The following UBR2 variants were observed in gnomAD, a reference collection of about 807,000 sequenced individuals.
UBR2 encodes the protein E3 ubiquitin-protein ligase UBR2.
Under a neutral mutation model 247.9 loss-of-function variants are expected in UBR2, and 92 were observed. The observed-to-expected ratio is 0.37, with a 90% CI of 0.31 to 0.44. UBR2 has a LOEUF of 0.44. UBR2 is among the 20% of genes least tolerant of loss of function. UBR2 has a pLI of 1.00. For synonymous variants in UBR2, 672 were observed against 693.5 expected, an observed-to-expected ratio of 0.97 and a Z score of 0.49; for missense variants, 1,613 against 2,112.6, an observed-to-expected ratio of 0.76 and a Z score of 4.64.
intron 30 of UBR2, among the ~76,000 whole-genome samples, 154 bp from the exon 31 acceptor site, chr6:42,662,030 G>T (rs182457399): frequency 6.6e-6 from 1 of 152,184 alleles, no homozygotes; most frequent in African/African-American, 2.4e-5. Flanking sequence ...ATAATCCAAG[G>T]TGTTGCATAA....
chr6:42,626,457 T>G (rs1406809772), intron 11 of UBR2, among the ~76,000 whole-genome samples: 1 of 152,194 alleles, frequency 6.6e-6, no homozygotes, highest in South Asian at 2.1e-4. Flanking sequence ...GTATGCTCTC[T>G]TTTTACGGCT....
rs115374414 is a variant in UBR2, at chr6:42,656,352, A to G, written c.2872+629A>G. On this transcript the variant is annotated intron_variant, in intron 26 of 46. Transcript: ENST00000372901. ...CATGGATTTTTATTCAGTGTTTTAT[A>G]GTCACTTATAATGGGTATTCCTTTT... is the stretch of plus-strand genomic sequence containing the variant. Among the ~76,000 whole-genome samples the G allele has an allele frequency of 4.5e-3, 687 of 152,276 alleles. 3 individuals carry two copies. The highest frequency in any genetic ancestry group is 0.014 in the African/African-American group (567 of 41,564).
intron 44 of UBR2, among the ~76,000 whole-genome samples, chr6:42,686,944 G>A (rs1215886230): frequency 3.3e-5 from 5 of 150,364 alleles, no homozygotes; most frequent in East Asian, 3.9e-4. Context: ...GGGCAGAGGC[G>A]CTCCCCACAT....
chr6:42,641,829 A>G lies in UBR2; in HGVS notation c.2031+137A>G, dbSNP rs921897837. Reference sequence around the variant, plus strand: ...TTTGAAAAGATTAATGATAAAACAAAAAGTTTCTTAAAACTTTTATTCATA... The same window carrying G: ...TTTGAAAAGATTAATGATAAAACAAGAAGTTTCTTAAAACTTTTATTCATA... On this transcript the variant is annotated intron_variant, in intron 17 of 46. Coordinates refer to ENST00000372901, the MANE Select transcript of UBR2 (RefSeq NM_001363705.2). 9 of 591,126 alleles carry G rather than the reference A, an allele frequency of 1.5e-5. No individual in the cohort carries two copies. The Admixed American group carries it at 3.4e-4, about 22-fold the overall frequency. The allele number at this position is 591,126 out of a possible 1,614,324, so 36.6% of individuals were successfully genotyped here.
intron 26 of UBR2, among the ~76,000 whole-genome samples, chr6:42,656,206 T>A (rs990554142): frequency 1.3e-5 from 2 of 152,242 alleles, no homozygotes; most frequent in Admixed American, 1.3e-4. Flanking sequence ...GACATAATAT[T>A]TCATGTCTCA....
chr6:42,676,648 C>G, intron 39 of UBR2, 135 bp from the exon 40 acceptor site: 1 of 712,730 alleles, frequency 1.4e-6, no homozygotes, highest in Admixed American at 2.5e-5. Context: ...TGAGGGATTA[C>G]AATTTTGCAT....
rs113736153 is a variant in UBR2, at chr6:42,672,367, G to T, written c.4087-1424G>T. 3.9e-5 allele frequency among the ~76,000 whole-genome samples: 6 copies of T among 152,026 alleles called. No individual in the cohort carries two copies. In the South Asian group the frequency reaches 1.2e-3, roughly 32 times the overall value. ...TTTTTAGCCTGGGCATTCACATTCA[G>T]TTGGTCAGCAGAGTCTGACAAATTC... On this transcript the variant is annotated intron_variant, in intron 36 of 46. Transcript: ENST00000372901.
chr6:42,652,211 G>A, intron 24 of UBR2, 140 bp downstream of exon 24: 1 of 879,238 alleles, frequency 1.1e-6, no homozygotes, highest in Non-Finnish European at 1.7e-6. Flanking sequence ...CTATTCAGAG[G>A]AATAATAAAT....
chr6:42,644,719 T>C (rs570581833), intron 20 of UBR2, among the ~76,000 whole-genome samples, 183 bp downstream of exon 20: 82 of 152,236 alleles, frequency 5.4e-4, no homozygotes, highest in African/African-American at 2.0e-3. Flanking sequence ...AATAGCACCG[T>C]GGTGCTTTGG....
intron 15 of UBR2, among the ~76,000 whole-genome samples, chr6:42,639,605 A>G (rs1796301757): frequency 1.3e-5 from 2 of 152,148 alleles, no homozygotes; most frequent in African/African-American, 4.8e-5. Flanking sequence ...AGTTCTGGGG[A>G]ACTTAATTCA....
rs1037165998 is a variant in UBR2 at position 42,632,057 on chromosome 6, A to T, written c.1282-495A>T. Among the ~76,000 whole-genome samples, 381 of 67,826 alleles carry T rather than the reference A, an allele frequency of 5.6e-3. 4 individuals are homozygous for T. The highest frequency in any genetic ancestry group is 0.029 in the Middle Eastern group (5 of 170). The allele number at this position is 67,826 out of a possible 152,430, so 44.5% of individuals were successfully genotyped here. ...ATGATTTACATGTATTTGCTTATTT[A>T]AAAAAAAAAAAAATATATATATATA... On this transcript the variant is annotated intron_variant, in intron 11 of 46. Coordinates refer to ENST00000372901, the MANE Select transcript of UBR2 (RefSeq NM_001363705.2).
At chr6:42,589,505 G>A (rs1158985292) in intron 2 of UBR2, among the ~76,000 whole-genome samples, 1 of 152,140 alleles carries the variant, frequency 6.6e-6, no homozygotes, top group East Asian at 1.9e-4. Flanking sequence ...TTAGAGCGAC[G>A]CTGGCCTAAT....
At chr6:42,615,779 C>T (rs1056333724) in intron 9 of UBR2, among the ~76,000 whole-genome samples, 1 of 151,388 alleles carries the variant, frequency 6.6e-6, no homozygotes, top group Non-Finnish European at 1.5e-5. Context: ...GCTGTGTTGG[C>T]TGGGCATGGT....
intron 3 of UBR2, among the ~76,000 whole-genome samples, chr6:42,592,887 C>CT (rs545528637): frequency 1.0e-3 from 152 of 152,210 alleles, no homozygotes; most frequent in Non-Finnish European, 1.5e-3. Flanking sequence ...ACTAAAACAG[C>CT]TACGGGGCCG....
chr6:42,617,470 C>T lies in UBR2; in HGVS notation c.1244C>T (p.Ala415Val), dbSNP rs1794634131. The change falls in exon 11 of 47, where the codon GCA becomes GTA. Residue 415 changes from alanine (A) to valine (V), a missense_variant. This residue lies in a region of UBR2 where 1,524 missense variants were observed against 1,967.3 expected (regional missense o/e 0.77). Coordinates refer to ENST00000372901, the MANE Select transcript of UBR2 (RefSeq NM_001363705.2). The part of the protein sequence containing the change: ...TDDHDREFSV[A>V]DLSVQIFTVP... ...GACCACGACAGAGAGTTTTCAGTCGCAGACCTCTCGGTTCAGATATTCACG... is the reference window on the plus strand; with the variant it reads ...GACCACGACAGAGAGTTTTCAGTCGTAGACCTCTCGGTTCAGATATTCACG... 3.9e-6 allele frequency: 6 copies of T among 1,554,938 alleles called. No individual in the cohort carries two copies. The highest frequency in any genetic ancestry group is 5.2e-6 in the Non-Finnish European group (6 of 1,148,690).
At chr6:42,578,646 G>A (rs1398305730) in intron 2 of UBR2, among the ~76,000 whole-genome samples, 1 of 151,960 alleles carries the variant, frequency 6.6e-6, no homozygotes, top group Non-Finnish European at 1.5e-5. Flanking sequence ...ACTGAGCCAT[G>A]AGTAGCATCT....
At chr6:42,600,927 GA>G (rs1582495906) in intron 4 of UBR2, among the ~76,000 whole-genome samples, 1 of 152,264 alleles carries the variant, frequency 6.6e-6, no homozygotes, top group East Asian at 1.9e-4. Flanking sequence ...AAAGTGCTGG[GA>G]TTATAGGCAT....
chr6:42,671,591 T>G (rs1237216035), intron 36 of UBR2, among the ~76,000 whole-genome samples: 1 of 152,180 alleles, frequency 6.6e-6, no homozygotes, highest in Non-Finnish European at 1.5e-5. Flanking sequence ...GCGTGGGCAT[T>G]TTTTAGCCCT....
chr6:42,610,777 A>G (rs564872956), intron 7 of UBR2, among the ~76,000 whole-genome samples: 54 of 152,208 alleles, frequency 3.5e-4, no homozygotes, highest in African/African-American at 1.2e-3. Context: ...TCACAACAGT[A>G]TGAATGTACT....
Sources: gnomAD v4.1 joint callset for allele counts (sites outside exome capture counted in the v4.1 genomes callset) on GRCh38, gnomAD v4.1.1 for gene constraint, gnomAD v4.1.1 regional missense constraint, MANE v1.5 for transcripts, NCBI Gene and HGNC (gene_info 2026-07-23, HGNC 2026-07-21) for gene names.